ALOX5: variants seen among roughly 807,000 people sequenced by gnomAD.
ALOX5 encodes polyunsaturated fatty acid 5-lipoxygenase.
In ALOX5, 64 loss-of-function variants were observed where a neutral mutation model predicts 87.9. That is an observed-to-expected ratio of 0.73 (90% CI 0.60 to 0.90). ALOX5 has a LOEUF of 0.90. Ranked by LOEUF, ALOX5 falls within the 40% of genes least tolerant of loss-of-function variation. ALOX5 has a pLI of 0.00. For synonymous variants in ALOX5, 388 were observed against 355.1 expected (o/e 1.09, Z -1.04); for missense variants, 822 against 907.5 (o/e 0.91, Z 1.21).
chr10:45,415,406 A>AG (rs1009279784), intron 4 of ALOX5, among the ~76,000 whole-genome samples: 2 of 152,250 alleles, frequency 1.3e-5, no homozygotes, highest in African/African-American at 4.8e-5. Context: ...GGACACAGGA[A>AG]GGGGAACATC....
At chr10:45,444,424 A>T in intron 13 of ALOX5, 138 bp downstream of exon 13, 1 of 1,248,068 alleles carries the variant, frequency 8.0e-7, no homozygotes, top group Non-Finnish European at 1.1e-6. Context: ...AAGGGCCCAG[A>T]AGGCTGCAGC....
rs531423656 is a variant in ALOX5, at chr10:45,391,987, T to TG, written c.350-3862dup. 2.1e-5 allele frequency among the ~76,000 whole-genome samples: 3 copies of TG among 145,104 alleles called. No homozygotes were observed. In the East Asian group the frequency reaches 6.2e-4, roughly 30 times the overall value. On this transcript the variant is annotated intron_variant, in intron 2 of 13. Coordinates refer to ENST00000374391, the MANE Select transcript of ALOX5 (RefSeq NM_000698.5). ...GCAGCCACCCTGTCCGGGAGGGAGG[T>TG]GGGGGGCGGTCAGCCCCCCGCCCGG...
intron 3 of ALOX5, among the ~76,000 whole-genome samples, chr10:45,396,410 G>C (rs1840509179): frequency 6.6e-6 from 1 of 151,954 alleles, no homozygotes; most frequent in Non-Finnish European, 1.5e-5. Flanking sequence ...CATAAAATGA[G>C]GGAAAATCAA....
At chr10:45,435,618 T>C (rs1842040789) in intron 7 of ALOX5, among the ~76,000 whole-genome samples, 1 of 152,252 alleles carries the variant, frequency 6.6e-6, no homozygotes, top group African/African-American at 2.4e-5. Flanking sequence ...TTTCATTCTT[T>C]TTTATGGCTA....
chr10:45,377,957 CG>C (rs1839687551), intron 1 of ALOX5, among the ~76,000 whole-genome samples: 1 of 152,140 alleles, frequency 6.6e-6, no homozygotes, highest in Admixed American at 6.5e-5. Flanking sequence ...GAAATGAGGC[CG>C]GTGAGTTGCA....
intron 7 of ALOX5, among the ~76,000 whole-genome samples, chr10:45,430,503 C>T (rs1233217694): frequency 1.3e-5 from 2 of 151,626 alleles, no homozygotes; most frequent in African/African-American, 2.4e-5. Flanking sequence ...CATGGTGGTA[C>T]ACAACTGTAG....
intron 7 of ALOX5, among the ~76,000 whole-genome samples, chr10:45,438,016 C>T (rs755110008): frequency 2.4e-4 from 37 of 152,280 alleles, no homozygotes; most frequent in Non-Finnish European, 4.0e-4. Context: ...TTACTTATAA[C>T]ATTGAGACTT....
At chr10:45,443,858 C>T in intron 12 of ALOX5, 30 bp downstream of exon 12, 2 of 1,571,416 alleles carry the variant, frequency 1.3e-6, no homozygotes, top group Admixed American at 3.6e-5. Flanking sequence ...CTGGGCAGGG[C>T]TCCCTTCTCA....
chr10:45,441,554 G>T, intron 9 of ALOX5, 124 bp downstream of exon 9: 1 of 953,018 alleles, frequency 1.0e-6, no homozygotes, highest in Non-Finnish European at 1.6e-6. Flanking sequence ...TCTGCTCAGA[G>T]CACTGGCTCC....
At chr10:45,415,326 A>G (rs990712067) in intron 4 of ALOX5, among the ~76,000 whole-genome samples, 1 of 152,206 alleles carries the variant, frequency 6.6e-6, no homozygotes, top group African/African-American at 2.4e-5. Context: ...TCAGCAAACT[A>G]TCGCAAGGAC....
chr10:45,438,847 C>A (rs557083975), intron 7 of ALOX5, among the ~76,000 whole-genome samples: 2 of 152,206 alleles, frequency 1.3e-5, no homozygotes, highest in South Asian at 4.1e-4. Context: ...CAGACAGGCA[C>A]GCCTAATGTG....
At chr10:45,445,189 A>G (rs1842397696) in intron 13 of ALOX5, among the ~76,000 whole-genome samples, 1 of 152,230 alleles carries the variant, frequency 6.6e-6, no homozygotes. Context: ...CCAAGACAGC[A>G]GGATACCATG....
At chr10:45,377,426 T>C (rs1166278562) in intron 1 of ALOX5, among the ~76,000 whole-genome samples, 1 of 151,770 alleles carries the variant, frequency 6.6e-6, no homozygotes, top group Non-Finnish European at 1.5e-5. Context: ...CTCTCCCTTC[T>C]TTTTTGCTCT....
chr10:45,386,384 T>G (rs1049525112), intron 2 of ALOX5, among the ~76,000 whole-genome samples: 6 of 151,968 alleles, frequency 3.9e-5, no homozygotes, highest in Non-Finnish European at 7.4e-5. Context: ...GGGAATCACT[T>G]GAGTCCTGAA....
intron 4 of ALOX5, among the ~76,000 whole-genome samples, chr10:45,413,114 C>T (rs980663533): frequency 2.0e-5 from 3 of 152,186 alleles, no homozygotes; most frequent in African/African-American, 7.2e-5. Flanking sequence ...CATCCCGATA[C>T]CAAAGCCTGG....
At chr10:45,392,874 A>T (rs972355485) in intron 2 of ALOX5, among the ~76,000 whole-genome samples, 1 of 152,224 alleles carries the variant, frequency 6.6e-6, no homozygotes, top group East Asian at 1.9e-4. Flanking sequence ...AAATTCCTCG[A>T]CACATACACC....
chr10:45,381,380 A>G (rs760082763), intron 1 of ALOX5, among the ~76,000 whole-genome samples: 1 of 152,102 alleles, frequency 6.6e-6, no homozygotes, highest in Non-Finnish European at 1.5e-5. Context: ...ATTTTCACTC[A>G]CTTATTATCC....
At chr10:45,388,464 C>A (rs1390767042) in intron 2 of ALOX5, among the ~76,000 whole-genome samples, 2 of 152,254 alleles carry the variant, frequency 1.3e-5, no homozygotes, top group African/African-American at 4.8e-5. Flanking sequence ...TGACACCCCA[C>A]ATGGCCAGGT....
At chr10:45,444,670 C>T (rs747417938) in intron 13 of ALOX5, 24 of 214,944 alleles carry the variant, frequency 1.1e-4, no homozygotes, top group East Asian at 1.1e-4. Context: ...CAACTGAATC[C>T]GGTGTGTCTT....
Sources: gnomAD v4.1 joint callset for allele counts (sites outside exome capture counted in the v4.1 genomes callset) on GRCh38, gnomAD v4.1.1 for gene constraint, MANE v1.5 for transcripts, NCBI Gene and HGNC (gene_info 2026-07-23, HGNC 2026-07-21) for gene names.